AFF2: variants seen among roughly 807,000 people sequenced by gnomAD.
AFF2 encodes AF4/FMR2 family member 2.
A neutral mutation model predicts 76.9 loss-of-function variants in AFF2; 14 were observed. That is an observed-to-expected ratio of 0.18 (90% CI 0.12 to 0.28). AFF2 has a LOEUF of 0.28. Among genes scored for constraint, AFF2 ranks in the 10% least tolerant of loss-of-function variants. The pLI is 1.00. For missense variants in AFF2, 868 were observed against 1,001.1 expected (o/e 0.87, Z 1.79); for synonymous variants, 398 against 366.7 (o/e 1.09, Z -0.98).
intron 19 of AFF2, 129 bp downstream of exon 19, chrX:148,980,919 C>A: frequency 2.4e-6 from 1 of 414,405 alleles, no homozygotes; most frequent in Non-Finnish European, 4.2e-6. Context: ...ATACAAAATT[C>A]CAGCCAGGCT....
At chrX:148,737,297 A>G (rs1277101302) in intron 3 of AFF2, among the ~76,000 whole-genome samples, 1 of 111,485 alleles carries the variant, frequency 9.0e-6, no homozygotes, top group Admixed American at 9.5e-5. Flanking sequence ...TTCTTTCAAC[A>G]GTGTTTTGTA....
At chrX:148,634,887 T>G (rs781877552) in intron 1 of AFF2, among the ~76,000 whole-genome samples, 6 of 111,752 alleles carry the variant, frequency 5.4e-5, no homozygotes, top group Non-Finnish European at 1.1e-4. Flanking sequence ...TCTTCATGTG[T>G]GAGGTGGTTC....
At chrX:148,978,813 A>G (rs1340675119) in intron 18 of AFF2, among the ~76,000 whole-genome samples, 2 of 111,496 alleles carry the variant, frequency 1.8e-5, no homozygotes, top group African/African-American at 6.5e-5. Flanking sequence ...CAGCCCAGGA[A>G]TCTCTCAGAA....
At chrX:148,909,105 A>C (rs1412607850) in intron 9 of AFF2, among the ~76,000 whole-genome samples, 2 of 112,323 alleles carry the variant, frequency 1.8e-5, no homozygotes, top group African/African-American at 3.2e-5. Flanking sequence ...AGTGAGTTTT[A>C]ATGAGCCCTT....
chrX:148,780,037 T>C (rs1197454933), intron 3 of AFF2, among the ~76,000 whole-genome samples: 1 of 112,320 alleles, frequency 8.9e-6, no homozygotes, highest in Non-Finnish European at 1.9e-5. Context: ...AAATTCTGGG[T>C]TGAAAATCCT....
At chrX:148,968,990 C>T (rs1382200374) in intron 15 of AFF2, among the ~76,000 whole-genome samples, 7 of 112,733 alleles carry the variant, frequency 6.2e-5, no homozygotes, top group Non-Finnish European at 1.3e-4. Flanking sequence ...GGTTTGCCAT[C>T]TGTCAAAGCA....
chrX:148,611,813 AG>A (rs1368976941), intron 1 of AFF2, among the ~76,000 whole-genome samples: 1 of 111,652 alleles, frequency 9.0e-6, no homozygotes, highest in African/African-American at 3.3e-5. Flanking sequence ...GGCAGTTGTT[AG>A]GGAGTGTCTA....
At chrX:148,716,543 C>A (rs2055026973) in intron 3 of AFF2, among the ~76,000 whole-genome samples, 1 of 111,336 alleles carries the variant, frequency 9.0e-6, no homozygotes, top group Non-Finnish European at 1.9e-5. Flanking sequence ...TTTCCCATGA[C>A]ATACAGGGTG....
At chrX:148,675,977 C>T (rs970733738) in intron 3 of AFF2, among the ~76,000 whole-genome samples, 1 of 110,553 alleles carries the variant, frequency 9.0e-6, no homozygotes, top group African/African-American at 3.3e-5. Context: ...AAGCATTTAG[C>T]TCAAGGACAA....
At chrX:148,727,577 C>T (rs2124548740) in intron 3 of AFF2, among the ~76,000 whole-genome samples, 1 of 110,381 alleles carries the variant, frequency 9.1e-6, no homozygotes, top group South Asian at 3.8e-4. Flanking sequence ...TCACAATTGT[C>T]CTCTGAGGTT....
intron 3 of AFF2, among the ~76,000 whole-genome samples, chrX:148,721,708 A>G (rs2124541677): frequency 8.9e-6 from 1 of 112,146 alleles, no homozygotes; most frequent in South Asian, 3.7e-4. Flanking sequence ...GGTGGCTTAA[A>G]TAACAAACAT....
intron 9 of AFF2, among the ~76,000 whole-genome samples, chrX:148,952,545 A>G (rs1401645025): frequency 8.9e-6 from 1 of 111,821 alleles, no homozygotes; most frequent in Non-Finnish European, 1.9e-5. Flanking sequence ...CCAAATTTAG[A>G]GACCCATTTC....
intron 8 of AFF2, among the ~76,000 whole-genome samples, chrX:148,897,245 ATATATATATATATATATATATATATATG>A (rs1320716964): frequency 0.011 from 369 of 33,656 alleles, 30 homozygotes; most frequent in African/African-American, 0.032. Flanking sequence ...ATATATATAT[ATATATATATATATATATATATATATATG>A]TATATGAAAA....
At chrX:148,634,736 C>A (rs1557253547) in intron 1 of AFF2, among the ~76,000 whole-genome samples, 1 of 111,492 alleles carries the variant, frequency 9.0e-6, no homozygotes, top group African/African-American at 3.3e-5. Context: ...TCACAGCAAT[C>A]CCCGGAGATA....
intron 3 of AFF2, among the ~76,000 whole-genome samples, chrX:148,681,577 TGTGTGTGA>T (rs1557259957): frequency 1.1e-3 from 81 of 75,536 alleles, no homozygotes; most frequent in African/African-American, 3.6e-3. Flanking sequence ...TGTGTGTGTG[TGTGTGTGA>T]GAGAGAGAGA....
chrX:148,619,301 C>T (rs369305741), intron 1 of AFF2, among the ~76,000 whole-genome samples: 9 of 111,433 alleles, frequency 8.1e-5, no homozygotes, highest in African/African-American at 2.3e-4. Flanking sequence ...TGATAATGAT[C>T]GGTACTGTGT....
intron 1 of AFF2, among the ~76,000 whole-genome samples, chrX:148,641,320 C>T (rs1182829180): frequency 8.9e-6 from 1 of 111,784 alleles, no homozygotes; most frequent in Non-Finnish European, 1.9e-5. Flanking sequence ...GAGCTGAACA[C>T]TGAGCTTGGC....
intron 4 of AFF2, among the ~76,000 whole-genome samples, chrX:148,829,718 G>A (rs781821466): frequency 9.8e-5 from 11 of 112,033 alleles, no homozygotes; most frequent in Admixed American, 1.9e-4. Context: ...CACCCACTCC[G>A]CCACCTTTTA....
intron 1 of AFF2, among the ~76,000 whole-genome samples, chrX:148,628,153 G>A (rs1273540995): frequency 2.7e-5 from 3 of 111,714 alleles, no homozygotes; most frequent in Non-Finnish European, 5.6e-5. Flanking sequence ...TGTCAGGAAA[G>A]TGGAACTGCT....
Sources: allele counts gnomAD v4.1 joint callset (sites outside exome capture counted in the v4.1 genomes callset), GRCh38; gene constraint gnomAD v4.1.1; transcripts MANE v1.5; gene names NCBI Gene and HGNC (gene_info 2026-07-23, HGNC 2026-07-21).